Variants in CTDP1 observed in about 807,000 individuals in gnomAD.
CTDP1 encodes the protein CTD phosphatase 1.
A neutral mutation model predicts 91.8 loss-of-function variants in CTDP1; 47 were observed. That is an observed-to-expected ratio of 0.51 (90% CI 0.41 to 0.65). CTDP1 has a LOEUF of 0.65. Among genes scored for constraint, CTDP1 ranks in the 30% least tolerant of loss-of-function variants. The probability of loss-of-function intolerance (pLI) is 0.00; values close to 1 mark genes in which losing one functional copy is unlikely to be tolerated. For synonymous variants in CTDP1, 656 were observed against 598.5 expected, an observed-to-expected ratio of 1.10 and a Z score of -1.40; for missense variants, 1,272 against 1,373.7, an observed-to-expected ratio of 0.93 and a Z score of 1.17.
At chr18:79,718,153 T>C in intron 10 of CTDP1, 137 bp downstream of exon 10, 7 of 1,019,768 alleles carry the variant, frequency 6.9e-6, no homozygotes, top group Non-Finnish European at 1.0e-5. Context: ...TGCTTCCACC[T>C]TGTGGGAGCG....
chr18:79,699,239 C>T (rs558034896), intron 4 of CTDP1, among the ~76,000 whole-genome samples: 2 of 152,178 alleles, frequency 1.3e-5, no homozygotes, highest in African/African-American at 4.8e-5. Flanking sequence ...CGTTCATACC[C>T]GCTACTCTAC....
At position 79,715,025 on chromosome 18, in the gene CTDP1, A is replaced by C; in HGVS notation, c.1565A>C (p.His522Pro). Residue 522 changes from histidine (H) to proline (P), a missense_variant, in exon 8 of 13, where the codon CAT becomes CCT. Transcript: ENST00000613122. ...SLPGEAEPGA[H>P]APDKEPELGG... ...CCCGGAGAGGCCGAGCCTGGCGCGC[A>C]TGCCCCGGACAAGGAGCCTGAGCTG... 1 of 1,602,858 alleles carries C rather than the reference A, an allele frequency of 6.2e-7. No homozygotes were observed. Among genetic ancestry groups the C allele is most frequent in the Non-Finnish European group, 8.5e-7 (1 of 1,175,754 alleles).
intron 8 of CTDP1, among the ~76,000 whole-genome samples, 176 bp from the exon 9 acceptor site, chr18:79,717,359 G>T (rs979961743): frequency 2.0e-5 from 3 of 150,616 alleles, no homozygotes; most frequent in African/African-American, 7.3e-5. Context: ...CTGGGTGAGG[G>T]CCCTGAGCCC....
chr18:79,733,212 C>T (rs951896101), intron 11 of CTDP1, among the ~76,000 whole-genome samples: 9 of 151,692 alleles, frequency 5.9e-5, no homozygotes, highest in Non-Finnish European at 1.2e-4. Context: ...CCTCACGCTG[C>T]GGCCTCAGCA....
At chr18:79,743,894 T>G (rs1216681526) in intron 12 of CTDP1, among the ~76,000 whole-genome samples, 1 of 152,190 alleles carries the variant, frequency 6.6e-6, no homozygotes, top group Non-Finnish European at 1.5e-5. Context: ...AAAGTCACAC[T>G]GGGAACTGCT....
At chr18:79,727,120 T>C (rs2086464900) in intron 10 of CTDP1, among the ~76,000 whole-genome samples, 1 of 152,118 alleles carries the variant, frequency 6.6e-6, no homozygotes, top group Non-Finnish European at 1.5e-5. Context: ...TGGGGTTGGA[T>C]GTCAGGCTCC....
rs1400742005 is a variant in CTDP1 at position 79,721,069 on chromosome 18, G to A, written c.2417+3053G>A. Among the ~76,000 whole-genome samples the A allele has an allele frequency of 4.6e-5, 7 of 152,286 alleles. No individual in the cohort carries two copies. In the East Asian group the frequency reaches 1.2e-3, roughly 25 times the overall value. On this transcript the variant is annotated intron_variant, in intron 10 of 12. Coordinates refer to ENST00000613122, the MANE Select transcript of CTDP1 (RefSeq NM_004715.5). ...GGCACGTGCCCTCTGGAAGCTCTCC[G>A]TCCTTTCATCTGTGGCGAAGGCATA...
chr18:79,741,309 T>C (rs1393900464), intron 12 of CTDP1, among the ~76,000 whole-genome samples: 2 of 152,246 alleles, frequency 1.3e-5, no homozygotes, highest in African/African-American at 2.4e-5. Flanking sequence ...TTTATGCTTT[T>C]GGTGGCCGGA....
intron 12 of CTDP1, among the ~76,000 whole-genome samples, chr18:79,737,924 A>C (rs1303977879): frequency 6.6e-6 from 1 of 152,056 alleles, no homozygotes; most frequent in African/African-American, 2.4e-5. Context: ...GGATTTGATA[A>C]TCACCTCACT....
intron 1 of CTDP1, among the ~76,000 whole-genome samples, chr18:79,682,563 G>T (rs1237130934): frequency 6.6e-6 from 1 of 152,228 alleles, no homozygotes; most frequent in Non-Finnish European, 1.5e-5. Context: ...GTCTGCGAGG[G>T]CCACCTTTAT....
upstream of CTDP1, chr18:79,678,506 A>G (rs929456023): frequency 6.6e-5 from 10 of 152,158 alleles, no homozygotes; most frequent in Non-Finnish European, 1.3e-4. Flanking sequence ...CGGAGTACAC[A>G]TTCAGGGCGC....
intron 11 of CTDP1, chr18:79,736,115 A>C: frequency 1.7e-6 from 1 of 589,232 alleles, no homozygotes; most frequent in East Asian, 2.9e-5. Context: ...AAGGAATTTA[A>C]ACCCAATCTT....
In CTDP1 at chr18:79,739,819, C is replaced by G. The variant is rs1317632808; in HGVS notation, c.2747+3298C>G. Among the ~76,000 whole-genome samples the G allele has an allele frequency of 1.4e-5, 2 of 146,396 alleles. 1 individual carries two copies. The highest frequency in any genetic ancestry group is 5.1e-5 in the African/African-American group (2 of 39,292). Reference sequence around the variant, plus strand: ...ATACCCACGGCCGGGACGGGTGGGACTCTCATACCCACGGCCGGGACGGGT... The same window carrying G: ...ATACCCACGGCCGGGACGGGTGGGAGTCTCATACCCACGGCCGGGACGGGT... On this transcript the variant is annotated intron_variant, in intron 12 of 12. Coordinates refer to ENST00000613122, the MANE Select transcript of CTDP1 (RefSeq NM_004715.5).
chr18:79,717,721 T>C (rs747857937), intron 9 of CTDP1, 45 bp downstream of exon 9: 1 of 1,613,212 alleles, frequency 6.2e-7, no homozygotes, highest in South Asian at 1.1e-5. Context: ...GGCGTTCCCT[T>C]GCTGGACAGC....
Position 79,754,107 on chromosome 18 carries a change from T to A in CTDP1, c.*317T>A. On this transcript the variant is annotated 3_prime_UTR_variant, in exon 13 of 13. Transcript: ENST00000613122. ...GGGGCGGGTTGGTGTGTTTTCCCCT[T>A]GTGTACCAGAGCACATTCCTTAGGG... The A allele has an allele frequency of 2.4e-6, 1 of 414,758 alleles. No homozygotes were observed. The highest frequency in any genetic ancestry group is 4.5e-6 in the Non-Finnish European group (1 of 219,854). The allele number at this position is 414,758 out of a possible 1,614,324, so 25.7% of individuals were successfully genotyped here.
Position 79,704,930 on chromosome 18 carries a change from G to C in CTDP1, c.772+13G>C, listed in dbSNP as rs754601801. On this transcript the variant is annotated intron_variant, in intron 5 of 12. Coordinates refer to ENST00000613122, the MANE Select transcript of CTDP1 (RefSeq NM_004715.5). The stretch of plus-strand genomic sequence containing the variant: ...CACACCATCGCAGGTCAGTCAAGCC[G>C]CAGCCGAAGAGGCCGTGTGAACAGT... The C allele has an allele frequency of 3.5e-5, 57 of 1,612,600 alleles. No individual in the cohort carries two copies. In the Admixed American group the frequency reaches 7.8e-4, roughly 22 times the overall value.
rs555736352 is a variant in CTDP1, at chr18:79,700,125, G to A, written c.621+2137G>A. 3.3e-5 allele frequency among the ~76,000 whole-genome samples: 5 copies of A among 152,254 alleles called. No individual in the cohort carries two copies. The South Asian group carries it at 1.0e-3, about 32-fold the overall frequency. On this transcript the variant is annotated intron_variant, in intron 4 of 12. Transcript: ENST00000613122. ...TTCCCTGTCTCTGTCCCGGTGCTCA[G>A]GCCTCCCTATTCCCTGAGACATAAC...
chr18:79,709,679 C>T (rs936012233), intron 5 of CTDP1, among the ~76,000 whole-genome samples: 7 of 152,188 alleles, frequency 4.6e-5, no homozygotes, highest in Admixed American at 6.5e-5. Flanking sequence ...GGTGGTGTCC[C>T]GGATGTCCTT....
chr18:79,749,778 G>C (rs528898984), intron 12 of CTDP1: 2 of 152,338 alleles, frequency 1.3e-5, no homozygotes, highest in African/African-American at 4.8e-5. Context: ...GTCTTGTTTT[G>C]TTTCAAGTTC....
Sources: gnomAD v4.1 joint callset for allele counts (sites outside exome capture counted in the v4.1 genomes callset) on GRCh38, gnomAD v4.1.1 for gene constraint, MANE v1.5 for transcripts, NCBI Gene and HGNC (gene_info 2026-07-23, HGNC 2026-07-21) for gene names.